The following SCHIP1 variants were observed in gnomAD, a reference collection of about 807,000 sequenced individuals.
SCHIP1 encodes schwannomin-interacting protein 1.
SCHIP1 carries 8 observed loss-of-function variants against 29.7 expected under a neutral mutation model. The observed-to-expected ratio is 0.27, with a 90% CI of 0.16 to 0.49. The LOEUF (loss-of-function observed/expected upper bound fraction) is 0.49. Among genes scored for constraint, SCHIP1 ranks in the 20% least tolerant of loss-of-function variants. The probability of loss-of-function intolerance (pLI) is 0.99; values close to 1 mark genes in which losing one functional copy is unlikely to be tolerated. For missense variants in SCHIP1, 193 were observed against 294.6 expected (o/e 0.66, Z 2.52); for synonymous variants, 76 against 94.9 (o/e 0.80, Z 1.16).
the SCHIP1 span, among the ~76,000 whole-genome samples, chr3:159,728,066 T>G: frequency 1.3e-5 from 2 of 152,022 alleles, no homozygotes; most frequent in African/African-American, 4.8e-5. Flanking sequence ...CTGGACCCAT[T>G]GTTAGCTCCC....
At chr3:159,771,775 G>T in the SCHIP1 span, among the ~76,000 whole-genome samples, 1 of 151,590 alleles carries the variant, frequency 6.6e-6, no homozygotes, top group Non-Finnish European at 1.5e-5. Flanking sequence ...ATTAGTTCTG[G>T]GGCTATCTAT....
chr3:159,717,144 C>G, the SCHIP1 span, among the ~76,000 whole-genome samples: 1 of 152,124 alleles, frequency 6.6e-6, no homozygotes, highest in South Asian at 2.1e-4. Flanking sequence ...GGGTACATAA[C>G]AAAATGAAGG....
chr3:159,775,185 G>A, the SCHIP1 span, among the ~76,000 whole-genome samples: 3 of 152,274 alleles, frequency 2.0e-5, no homozygotes, highest in African/African-American at 4.8e-5. Context: ...AAACTCTGCC[G>A]TATAGAAATA....
At chr3:159,741,921 T>C in the SCHIP1 span, among the ~76,000 whole-genome samples, 1 of 152,076 alleles carries the variant, frequency 6.6e-6, no homozygotes, top group African/African-American at 2.4e-5. Flanking sequence ...GATTCCAGCC[T>C]CAGAAAAAGA....
the SCHIP1 span, among the ~76,000 whole-genome samples, chr3:159,780,661 G>A: frequency 6.6e-6 from 1 of 152,156 alleles, no homozygotes; most frequent in Non-Finnish European, 1.5e-5. Flanking sequence ...GGGTTCATTC[G>A]TCTCGGCATC....
the SCHIP1 span, chr3:159,387,334 T>C: frequency 2.7e-6 from 1 of 369,592 alleles, no homozygotes; most frequent in Non-Finnish European, 5.3e-6. Context: ...CTCAGCATTT[T>C]TATGGGCAGG....
At chr3:159,536,838 G>T in the SCHIP1 span, among the ~76,000 whole-genome samples, 2 of 152,128 alleles carry the variant, frequency 1.3e-5, no homozygotes, top group Non-Finnish European at 2.9e-5. Context: ...AAAAACAAAG[G>T]TGATAAATGC....
chr3:159,348,506 T>G, the SCHIP1 span, among the ~76,000 whole-genome samples: 1 of 152,152 alleles, frequency 6.6e-6, no homozygotes, highest in Non-Finnish European at 1.5e-5. Flanking sequence ...TTATATTAGT[T>G]TACTTTGCAT....
intron 2 of SCHIP1, among the ~76,000 whole-genome samples, chr3:159,882,513 G>T (rs1282854939): frequency 3.9e-5 from 6 of 152,122 alleles, no homozygotes; most frequent in Non-Finnish European, 8.8e-5. Context: ...CCCAATCCCG[G>T]TCACTACAAC....
chr3:159,795,826 TG>T, the SCHIP1 span, among the ~76,000 whole-genome samples: 17 of 152,174 alleles, frequency 1.1e-4, no homozygotes, highest in East Asian at 3.3e-3. Context: ...CATATGGCCA[TG>T]GAGTAGGATG....
chr3:159,860,753 A>G (rs16847223), intron 1 of SCHIP1, among the ~76,000 whole-genome samples: 75,178 of 151,984 alleles, frequency 0.49, 18,789 homozygotes, highest in East Asian at 0.67. Context: ...AATCTTGTCC[A>G]GGCCTACAAC....
At chr3:159,739,777 AAT>A in the SCHIP1 span, among the ~76,000 whole-genome samples, 7 of 152,356 alleles carry the variant, frequency 4.6e-5, no homozygotes, top group African/African-American at 1.7e-4. Flanking sequence ...CTTGAATAAC[AAT>A]ATGTGATTTT....
At chr3:159,321,121 C>T in the SCHIP1 span, among the ~76,000 whole-genome samples, 5 of 152,132 alleles carry the variant, frequency 3.3e-5, no homozygotes, top group Admixed American at 1.3e-4. Context: ...CCTGCCACCA[C>T]GCCCAGCTAA....
chr3:159,534,771 C>T, the SCHIP1 span, among the ~76,000 whole-genome samples: 7 of 152,102 alleles, frequency 4.6e-5, no homozygotes, highest in Admixed American at 1.3e-4. Flanking sequence ...CTGTATAAGA[C>T]GGATTTAGGA....
At chr3:159,707,885 C>T in the SCHIP1 span, among the ~76,000 whole-genome samples, 262 of 152,330 alleles carry the variant, frequency 1.7e-3, no homozygotes, top group African/African-American at 5.7e-3. Context: ...AGGCAACTCA[C>T]CTGACCAAGG....
chr3:159,443,855 G>C, the SCHIP1 span, among the ~76,000 whole-genome samples: 2 of 152,096 alleles, frequency 1.3e-5, no homozygotes, highest in African/African-American at 2.4e-5. Flanking sequence ...TGGATTCTCT[G>C]TATGAGTTCC....
the SCHIP1 span, among the ~76,000 whole-genome samples, chr3:159,675,995 G>C: frequency 6.6e-6 from 1 of 152,164 alleles, no homozygotes; most frequent in Non-Finnish European, 1.5e-5. Context: ...GCCAGGCGTG[G>C]TGGCAGGTGT....
At chr3:159,828,388 CATATATACGTATATATATACGT>C in the SCHIP1 span, among the ~76,000 whole-genome samples, 160 of 65,368 alleles carry the variant, frequency 2.4e-3, 6 homozygotes, top group East Asian at 0.024. Flanking sequence ...TATATATATA[CATATATACGTATATATATACGT>C]ATATATACGT....
the SCHIP1 span, among the ~76,000 whole-genome samples, chr3:159,371,664 T>C: frequency 2.6e-5 from 4 of 152,196 alleles, no homozygotes; most frequent in Non-Finnish European, 1.5e-5. Context: ...GATACCAAAA[T>C]TCACGGATGC....
Sources: gnomAD v4.1 joint callset for allele counts (sites outside exome capture counted in the v4.1 genomes callset) on GRCh38, gnomAD v4.1.1 for gene constraint, MANE v1.5 for transcripts, NCBI Gene and HGNC (gene_info 2026-07-23, HGNC 2026-07-21) for gene names.